The following VPS41 variants were observed in gnomAD, a reference collection of about 807,000 sequenced individuals.
VPS41 encodes the protein vacuolar protein sorting-associated protein 41 homolog.
VPS41 carries 85 observed loss-of-function variants against 130.9 expected under a neutral mutation model. The ratio of observed to expected loss-of-function variants is 0.65; its 90% confidence interval spans 0.55 to 0.78. VPS41 has a LOEUF of 0.78. Among genes scored for constraint, VPS41 ranks in the 30% least tolerant of loss-of-function variants. VPS41 has a pLI of 0.00. For missense variants in VPS41, 874 were observed against 1,018.7 expected (o/e 0.86, Z 1.93); for synonymous variants, 335 against 332.9 (o/e 1.01, Z -0.07).
chr7:38,875,298 A>G (rs2116360205), intron 2 of VPS41, among the ~76,000 whole-genome samples: 1 of 152,286 alleles, frequency 6.6e-6, no homozygotes, highest in South Asian at 2.1e-4. Flanking sequence ...ACATCTCCAA[A>G]TTTGTCACAT....
At chr7:38,734,246 A>G (rs1016996643) in intron 25 of VPS41, among the ~76,000 whole-genome samples, 3 of 152,202 alleles carry the variant, frequency 2.0e-5, no homozygotes, top group African/African-American at 4.8e-5. Flanking sequence ...GGACTTTCCT[A>G]TATTTTTCCA....
intron 9 of VPS41, 47 bp from the exon 10 acceptor site, chr7:38,789,914 C>T: frequency 1.9e-6 from 3 of 1,595,732 alleles, no homozygotes; most frequent in Non-Finnish European, 2.6e-6. Flanking sequence ...ATGGAAAATT[C>T]TTCATAACAT....
At chr7:38,808,087 T>C (rs926748861) in intron 7 of VPS41, among the ~76,000 whole-genome samples, 1 of 152,248 alleles carries the variant, frequency 6.6e-6, no homozygotes, top group South Asian at 2.1e-4. Context: ...TTGATGGATA[T>C]GAGACAATGG....
intron 22 of VPS41, among the ~76,000 whole-genome samples, chr7:38,750,105 A>C (rs1001939938): frequency 1.3e-5 from 2 of 152,108 alleles, no homozygotes; most frequent in African/African-American, 4.8e-5. Flanking sequence ...GCCCAAAACT[A>C]TTTTCCCACC....
intron 3 of VPS41, among the ~76,000 whole-genome samples, chr7:38,863,818 A>T (rs1786171143): frequency 6.6e-6 from 1 of 152,218 alleles, no homozygotes; most frequent in African/African-American, 2.4e-5. Flanking sequence ...TTAGTCATCC[A>T]GGGCAGACAG....
chr7:38,754,826 C>G, intron 20 of VPS41, 69 bp downstream of exon 20: 2 of 1,584,382 alleles, frequency 1.3e-6, no homozygotes, highest in Non-Finnish European at 1.7e-6. Flanking sequence ...CTGATAAACT[C>G]TCTTCTTCAC....
intron 16 of VPS41, among the ~76,000 whole-genome samples, chr7:38,764,336 G>A (rs545807631): frequency 2.0e-5 from 3 of 152,336 alleles, no homozygotes; most frequent in African/African-American, 7.2e-5. Flanking sequence ...ATGCATCTGT[G>A]TGCAGGGAGG....
chr7:38,752,293 C>T lies in VPS41; in HGVS notation c.1809G>A (p.Lys603=). The T allele has an allele frequency of 1.9e-6, 3 of 1,613,782 alleles. No individual in the cohort carries two copies. Among genetic ancestry groups the T allele is most frequent in the Non-Finnish European group, 2.5e-6 (3 of 1,179,810 alleles). Residue 603 remains lysine (K), a synonymous_variant, in exon 22 of 29, where the codon AAG becomes AAA. Transcript: ENST00000310301. ...LQHVYLHKLF[K]RDHHKGQRYH... is the part of the protein sequence containing the mutation. ...AACGCTGCCCCTTATGGTGGTCTCT[C>T]TTGAAAAGCTTATGCAAATACTAAA...
chr7:38,848,587 A>C (rs1785777774), intron 4 of VPS41, among the ~76,000 whole-genome samples: 1 of 152,216 alleles, frequency 6.6e-6, no homozygotes, highest in South Asian at 2.1e-4. Flanking sequence ...ACTAAGCCTT[A>C]TGTTACATAT....
chr7:38,877,335 G>A (rs914140622), intron 2 of VPS41, among the ~76,000 whole-genome samples: 10 of 152,084 alleles, frequency 6.6e-5, no homozygotes, highest in African/African-American at 2.4e-4. Context: ...CAGAGAAGGA[G>A]GGGTAAAAGG....
chr7:38,727,045 A>T, intron 27 of VPS41, 57 bp from the exon 28 acceptor site: 1 of 1,417,746 alleles, frequency 7.1e-7, no homozygotes, highest in Non-Finnish European at 9.3e-7. Context: ...AGATCATTTT[A>T]AACCAATCCC....
At chr7:38,786,034 T>C (rs1784430758) in intron 10 of VPS41, among the ~76,000 whole-genome samples, 1 of 152,292 alleles carries the variant, frequency 6.6e-6, no homozygotes, top group African/African-American at 2.4e-5. Flanking sequence ...TCATCACTGA[T>C]ATAGAAAAAG....
chr7:38,870,983 T>C (rs1014026857), intron 2 of VPS41, among the ~76,000 whole-genome samples: 20 of 150,700 alleles, frequency 1.3e-4, no homozygotes, highest in African/African-American at 4.6e-4. Flanking sequence ...GAAGAATAAA[T>C]GGAAGGAAAA....
chr7:38,724,626 TCTTGTTGCCCAGG>T lies in VPS41; in HGVS notation c.*1607_*1619del, dbSNP rs1273627829. The T allele has an allele frequency of 9.0e-5, 12 of 133,418 alleles. No homozygotes were observed. The highest frequency in any genetic ancestry group is 3.2e-4 in the African/African-American group (10 of 31,650). 8.3% of individuals were successfully genotyped at this position (133,418 alleles called of 1,614,324 possible). ...TTTCTTTTTTGAGACGGAGTTTTGC[TCTTGTTGCCCAGG>T]CTGGAGTGCAATGGCGCGATCTCAG... On this transcript the variant is annotated 3_prime_UTR_variant, in exon 29 of 29. Coordinates refer to ENST00000310301, the MANE Select transcript of VPS41 (RefSeq NM_014396.4).
At chr7:38,779,159 T>C (rs754726069) in intron 10 of VPS41, among the ~76,000 whole-genome samples, 17 of 152,214 alleles carry the variant, frequency 1.1e-4, no homozygotes, top group Non-Finnish European at 1.5e-5. Context: ...ATTTTGCTAA[T>C]TGAGAATTAA....
chr7:38,886,460 G>A (rs185328736), intron 2 of VPS41, among the ~76,000 whole-genome samples: 3 of 152,182 alleles, frequency 2.0e-5, no homozygotes, highest in Admixed American at 1.3e-4. Flanking sequence ...GGTGTCTGCC[G>A]TTACTGAGGC....
intron 7 of VPS41, among the ~76,000 whole-genome samples, chr7:38,802,633 G>A (rs184088459): frequency 2.0e-5 from 3 of 152,126 alleles, no homozygotes; most frequent in Non-Finnish European, 4.4e-5. Context: ...CTTTGCTTTG[G>A]TGATTTAAGA....
chr7:38,787,007 G>C (rs1282613902), intron 10 of VPS41, among the ~76,000 whole-genome samples: 2 of 152,182 alleles, frequency 1.3e-5, no homozygotes, highest in Non-Finnish European at 2.9e-5. Flanking sequence ...AAAAAAGAAT[G>C]ATGTGCTAAA....
intron 8 of VPS41, among the ~76,000 whole-genome samples, 184 bp from the exon 9 acceptor site, chr7:38,795,795 C>T (rs767543218): frequency 5.1e-4 from 77 of 152,160 alleles, no homozygotes; most frequent in Non-Finnish European, 1.0e-3. Flanking sequence ...CACAAGGAAA[C>T]CTCCACCCTT....
Sources: gnomAD v4.1 joint callset for allele counts (sites outside exome capture counted in the v4.1 genomes callset) on GRCh38, gnomAD v4.1.1 for gene constraint, MANE v1.5 for transcripts, NCBI Gene and HGNC (gene_info 2026-07-23, HGNC 2026-07-21) for gene names.